The following CHRM3 variants were observed in gnomAD, a reference collection of about 807,000 sequenced individuals.
CHRM3 encodes the protein cholinergic receptor muscarinic 3, also known as muscarinic acetylcholine receptor M3.
Under a neutral mutation model 41.8 loss-of-function variants are expected in CHRM3, and 11 were observed. The ratio of observed to expected loss-of-function variants is 0.26; its 90% confidence interval spans 0.17 to 0.44. CHRM3 has a LOEUF of 0.44. Among genes scored for constraint, CHRM3 ranks in the 20% least tolerant of loss-of-function variants. The pLI, the probability that CHRM3 is intolerant of heterozygous loss-of-function variation, is 1.00. For synonymous variants in CHRM3, 297 were observed against 301.4 expected (o/e 0.99, Z 0.15); for missense variants, 571 against 745.4 (o/e 0.77, Z 2.72).
chr1:239,805,184 C>A (rs570370946), intron 5 of CHRM3, among the ~76,000 whole-genome samples: 1 of 152,292 alleles, frequency 6.6e-6, no homozygotes, highest in South Asian at 2.1e-4. Context: ...TGGTGTCATG[C>A]CCTTTTCATG....
intron 5 of CHRM3, among the ~76,000 whole-genome samples, chr1:239,722,179 G>C (rs753289621): frequency 2.0e-5 from 3 of 151,816 alleles, no homozygotes; most frequent in Admixed American, 6.6e-5. Flanking sequence ...TTTGTCAGGC[G>C]ATTTATAAAA....
At chr1:239,755,842 A>C (rs1407395620) in intron 5 of CHRM3, among the ~76,000 whole-genome samples, 4 of 152,216 alleles carry the variant, frequency 2.6e-5, no homozygotes, top group Non-Finnish European at 1.5e-5. Flanking sequence ...AGTGTTAATT[A>C]TAAGACTAAG....
intron 5 of CHRM3, 53 bp downstream of exon 5, chr1:239,678,341 A>ATG (rs2149087829): frequency 6.6e-6 from 1 of 152,308 alleles, no homozygotes; most frequent in African/African-American, 2.4e-5. Flanking sequence ...ATAACTATGG[A>ATG]TGTATATTCA....
intron 1 of CHRM3, among the ~76,000 whole-genome samples, chr1:239,445,730 G>A (rs1009717222): frequency 2.0e-5 from 3 of 152,166 alleles, no homozygotes; most frequent in South Asian, 2.1e-4. Flanking sequence ...AAGTGAAATA[G>A]TATTAGCTCT....
At position 239,542,095 on chromosome 1, in the gene CHRM3, G is replaced by A. The variant is rs185450588; in HGVS notation, c.-421-3546G>A. Among the ~76,000 whole-genome samples the A allele has an allele frequency of 1.6e-3, 239 of 152,044 alleles. 1 individual carries two copies. Among genetic ancestry groups the A allele is most frequent in the South Asian group, 2.7e-3 (13 of 4,800 alleles). On this transcript the variant is annotated intron_variant, in intron 2 of 6. Coordinates refer to ENST00000676153, the MANE Select transcript of CHRM3 (RefSeq NM_001375978.1). Reference sequence around the variant, plus strand: ...TAAAAAACCATGTCTGTCTTCCCCCGGAGATTATAATTAATCATCTTGATA... The same window carrying A: ...TAAAAAACCATGTCTGTCTTCCCCCAGAGATTATAATTAATCATCTTGATA...
intron 3 of CHRM3, among the ~76,000 whole-genome samples, chr1:239,609,059 A>G (rs1346072396): frequency 3.3e-5 from 5 of 152,176 alleles, no homozygotes. Flanking sequence ...TGTGAAAATC[A>G]TCAACAAAAG....
At chr1:239,731,650 T>G (rs1278428451) in intron 5 of CHRM3, among the ~76,000 whole-genome samples, 1 of 151,952 alleles carries the variant, frequency 6.6e-6, no homozygotes, top group Non-Finnish European at 1.5e-5. Flanking sequence ...ATATGGAAAC[T>G]GTGAACACTT....
At chr1:239,463,727 C>T (rs1665520606) in intron 1 of CHRM3, among the ~76,000 whole-genome samples, 1 of 152,028 alleles carries the variant, frequency 6.6e-6, no homozygotes. Flanking sequence ...ATTTCTAATA[C>T]ATTTTTTCTA....
At chr1:239,790,494 A>T (rs1191165346) in intron 5 of CHRM3, among the ~76,000 whole-genome samples, 1 of 152,196 alleles carries the variant, frequency 6.6e-6, no homozygotes, top group Admixed American at 6.5e-5. Context: ...CTTGCCTGCC[A>T]CCATGTAAGA....
At chr1:239,448,031 G>T (rs1664279451) in intron 1 of CHRM3, among the ~76,000 whole-genome samples, 1 of 152,156 alleles carries the variant, frequency 6.6e-6, no homozygotes, top group Non-Finnish European at 1.5e-5. Context: ...ATGGATTCCA[G>T]TCTGGGTTCT....
intron 1 of CHRM3, among the ~76,000 whole-genome samples, chr1:239,465,329 A>G (rs565247122): frequency 6.6e-6 from 1 of 152,326 alleles, no homozygotes; most frequent in Admixed American, 6.5e-5. Flanking sequence ...GGCATGAGAT[A>G]TTTATAATCT....
At chr1:239,833,015 G>A (rs1340242511) in intron 6 of CHRM3, among the ~76,000 whole-genome samples, 4 of 151,978 alleles carry the variant, frequency 2.6e-5, no homozygotes, top group African/African-American at 9.7e-5. Flanking sequence ...TTCAAGATGG[G>A]GTCTCTCTGG....
intron 1 of CHRM3, among the ~76,000 whole-genome samples, chr1:239,450,134 T>C (rs1664459176): frequency 6.6e-6 from 1 of 152,232 alleles, no homozygotes; most frequent in Non-Finnish European, 1.5e-5. Context: ...CCTTCTATGC[T>C]CATTTCAAAC....
intron 2 of CHRM3, among the ~76,000 whole-genome samples, chr1:239,525,584 C>T (rs1669940338): frequency 6.6e-6 from 1 of 152,004 alleles, no homozygotes; most frequent in Non-Finnish European, 1.5e-5. Flanking sequence ...TAACATATTC[C>T]CAGATTGTTC....
intron 1 of CHRM3, among the ~76,000 whole-genome samples, chr1:239,441,150 G>A (rs754489622): frequency 2.0e-5 from 3 of 152,256 alleles, no homozygotes; most frequent in South Asian, 2.1e-4. Flanking sequence ...TTTAAGGTAC[G>A]CATCATTATT....
At chr1:239,687,179 T>C (rs1033400372) in intron 5 of CHRM3, among the ~76,000 whole-genome samples, 4 of 151,962 alleles carry the variant, frequency 2.6e-5, no homozygotes, top group African/African-American at 9.7e-5. Context: ...GCTATGTCCT[T>C]TGATGTCCAA....
At chr1:239,887,568 G>T (rs1030001048) in intron 6 of CHRM3, among the ~76,000 whole-genome samples, 9 of 152,152 alleles carry the variant, frequency 5.9e-5, no homozygotes, top group African/African-American at 2.2e-4. Flanking sequence ...AACTTGATTT[G>T]TTGGAATAAG....
chr1:239,615,037 A>C (rs1667481844), intron 3 of CHRM3, among the ~76,000 whole-genome samples: 1 of 152,202 alleles, frequency 6.6e-6, no homozygotes, highest in South Asian at 2.1e-4. Flanking sequence ...CTTTCAAATA[A>C]GCCAGGTATG....
At chr1:239,612,511 C>G (rs1667183758) in intron 3 of CHRM3, among the ~76,000 whole-genome samples, 1 of 152,106 alleles carries the variant, frequency 6.6e-6, no homozygotes, top group Admixed American at 6.5e-5. Flanking sequence ...AGAAAAAAAG[C>G]AATCAAATCC....
Sources: gnomAD v4.1 joint callset for allele counts (sites outside exome capture counted in the v4.1 genomes callset) on GRCh38, gnomAD v4.1.1 for gene constraint, MANE v1.5 for transcripts, NCBI Gene and HGNC (gene_info 2026-07-23, HGNC 2026-07-21) for gene names.